Variants in EDIL3 observed in about 807,000 individuals in gnomAD.
EDIL3 encodes the protein EGF like and discoidin domains 3, also known as EGF-like repeat and discoidin I-like domain-containing protein 3.
EDIL3 carries 37 observed loss-of-function variants against 67.4 expected under a neutral mutation model. The observed-to-expected ratio is 0.55, with a 90% CI of 0.42 to 0.72. The LOEUF (loss-of-function observed/expected upper bound fraction) is 0.72. Among genes scored for constraint, EDIL3 ranks in the 30% least tolerant of loss-of-function variants. The probability of loss-of-function intolerance (pLI) is 0.00; values close to 1 mark genes in which losing one functional copy is unlikely to be tolerated. For synonymous variants in EDIL3, 195 were observed against 196.3 expected (o/e 0.99, Z 0.05); for missense variants, 527 against 586.3 (o/e 0.90, Z 1.04).
At chr5:84,149,459 T>G (rs991433278) in intron 4 of EDIL3, among the ~76,000 whole-genome samples, 1 of 152,106 alleles carries the variant, frequency 6.6e-6, no homozygotes, top group African/African-American at 2.4e-5. Flanking sequence ...GGGGGATAAT[T>G]AAACCTGGAT....
At chr5:84,294,728 TAG>T (rs1461790626) in intron 1 of EDIL3, among the ~76,000 whole-genome samples, 2 of 152,198 alleles carry the variant, frequency 1.3e-5, no homozygotes, top group African/African-American at 4.8e-5. Context: ...CAACATTTAC[TAG>T]TTAATCTTTA....
At chr5:84,367,577 T>C (rs541895009) in intron 1 of EDIL3, among the ~76,000 whole-genome samples, 1 of 152,030 alleles carries the variant, frequency 6.6e-6, no homozygotes, top group Admixed American at 6.6e-5. Context: ...TGGTCAGGAG[T>C]ACAAGACTAG....
intron 9 of EDIL3, among the ~76,000 whole-genome samples, chr5:83,989,766 T>G (rs1011675694): frequency 2.0e-5 from 3 of 152,150 alleles, no homozygotes; most frequent in African/African-American, 4.8e-5. Context: ...CAACAGGGAA[T>G]AGCAAAGATT....
At chr5:84,335,445 T>C (rs1424373077) in intron 1 of EDIL3, among the ~76,000 whole-genome samples, 1 of 152,196 alleles carries the variant, frequency 6.6e-6, no homozygotes, top group Non-Finnish European at 1.5e-5. Flanking sequence ...TTGCTCCTTT[T>C]ATTTTGTTAT....
rs534704560 is a variant in EDIL3 at position 84,135,278 on chromosome 5, C to G, written c.469+1963G>C. 9.0e-4 allele frequency among the ~76,000 whole-genome samples: 137 copies of G among 152,236 alleles called. 1 individual carries two copies. Among genetic ancestry groups the G allele is most frequent in the African/African-American group, 3.2e-3 (131 of 41,548 alleles). Reference sequence around the variant, plus strand: ...CTTTTAGGAAAATGGGAAGGCTTCTCCCCCGCAATTGTTCCCCTAGTCAGG... The same window carrying G: ...CTTTTAGGAAAATGGGAAGGCTTCTGCCCCGCAATTGTTCCCCTAGTCAGG... On this transcript the variant is annotated intron_variant, in intron 5 of 10. Transcript: ENST00000296591.
At chr5:84,338,078 A>G (rs1747025819) in intron 1 of EDIL3, among the ~76,000 whole-genome samples, 1 of 152,156 alleles carries the variant, frequency 6.6e-6, no homozygotes. Flanking sequence ...TAAACTTTAG[A>G]TTTATGCTAT....
intron 1 of EDIL3, among the ~76,000 whole-genome samples, chr5:84,268,745 A>T (rs1383478120): frequency 6.6e-6 from 1 of 152,206 alleles, no homozygotes; most frequent in African/African-American, 2.4e-5. Context: ...TCAGGGGCAT[A>T]TATTATCAAT....
intron 4 of EDIL3, among the ~76,000 whole-genome samples, chr5:84,148,764 T>G (rs745545931): frequency 6.6e-6 from 1 of 152,112 alleles, no homozygotes; most frequent in Non-Finnish European, 1.5e-5. Context: ...ACAAACTCAC[T>G]ACTCAGTGCT....
intron 2 of EDIL3, among the ~76,000 whole-genome samples, chr5:84,232,398 T>C (rs1394009683): frequency 1.7e-5 from 1 of 59,778 alleles, no homozygotes. Context: ...AGAAGTGATG[T>C]CTAAGAAGGA....
intron 1 of EDIL3, among the ~76,000 whole-genome samples, chr5:84,296,996 T>C (rs1437823921): frequency 2.0e-5 from 3 of 151,780 alleles, no homozygotes; most frequent in African/African-American, 7.3e-5. Context: ...TCCTGGCTAA[T>C]ATGGTGAAAC....
At chr5:84,246,301 T>C (rs1276188739) in intron 2 of EDIL3, among the ~76,000 whole-genome samples, 1 of 152,234 alleles carries the variant, frequency 6.6e-6, no homozygotes, top group Non-Finnish European at 1.5e-5. Context: ...ACTCGATCTT[T>C]CTTACTACTC....
At chr5:84,072,788 A>G (rs1746763310) in intron 6 of EDIL3, among the ~76,000 whole-genome samples, 1 of 152,166 alleles carries the variant, frequency 6.6e-6, no homozygotes, top group African/African-American at 2.4e-5. Flanking sequence ...CTTGTAAAAC[A>G]TAAGAACAAG....
chr5:84,214,501 T>C (rs1452628688), intron 3 of EDIL3, among the ~76,000 whole-genome samples: 4 of 152,180 alleles, frequency 2.6e-5, no homozygotes, highest in African/African-American at 9.7e-5. Context: ...TTTGTATTAC[T>C]TTATTGTCTT....
intron 9 of EDIL3, among the ~76,000 whole-genome samples, chr5:84,025,064 C>T (rs1029723597): frequency 6.6e-6 from 1 of 152,046 alleles, no homozygotes; most frequent in Non-Finnish European, 1.5e-5. Context: ...GTCCTGTTGG[C>T]AAGAAATGGA....
intron 4 of EDIL3, among the ~76,000 whole-genome samples, chr5:84,143,173 A>G (rs1046592317): frequency 5.9e-5 from 9 of 152,020 alleles, no homozygotes; most frequent in Non-Finnish European, 1.0e-4. Context: ...TGCTGAACTT[A>G]ATTATGTCAC....
At chr5:84,293,229 A>C (rs1454852206) in intron 1 of EDIL3, among the ~76,000 whole-genome samples, 3 of 152,236 alleles carry the variant, frequency 2.0e-5, no homozygotes, top group Non-Finnish European at 4.4e-5. Context: ...CTAACAACAC[A>C]ATCAAAGCCG....
intron 1 of EDIL3, among the ~76,000 whole-genome samples, chr5:84,312,382 G>T (rs867079631): frequency 6.9e-6 from 1 of 144,128 alleles, no homozygotes; most frequent in Non-Finnish European, 1.5e-5. Flanking sequence ...CGGGCGGGGG[G>T]CTGACTCCCC....
At chr5:84,280,767 A>G (rs1454604798) in intron 1 of EDIL3, among the ~76,000 whole-genome samples, 1 of 151,554 alleles carries the variant, frequency 6.6e-6, no homozygotes, top group East Asian at 1.9e-4. Context: ...ACATGGTGAG[A>G]CTCTATCTCT....
At position 84,309,336 on chromosome 5, in the gene EDIL3, T is replaced by C. The variant is rs1746338127; in HGVS notation, c.68-55124A>G. ...TTGTTTTTTTTTTTTTTTGGCGATT[T>C]CTTTTCTTTTTTTTTATTATTATAC... On this transcript the variant is annotated intron_variant, in intron 1 of 10. Transcript: ENST00000296591. Among the ~76,000 whole-genome samples, 3 of 150,578 alleles carry C rather than the reference T, an allele frequency of 2.0e-5. No individual in the cohort carries two copies. The South Asian group carries it at 6.3e-4, about 32-fold the overall frequency.
Sources: gnomAD v4.1 joint callset for allele counts (sites outside exome capture counted in the v4.1 genomes callset) on GRCh38, gnomAD v4.1.1 for gene constraint, MANE v1.5 for transcripts, NCBI Gene and HGNC (gene_info 2026-07-23, HGNC 2026-07-21) for gene names.